FGF14: variants seen among roughly 807,000 people sequenced by gnomAD.
FGF14 encodes fibroblast growth factor 14, also known as fibroblast growth factor homologous factor 4.
In FGF14, 5 loss-of-function variants were observed where a neutral mutation model predicts 25.5. That is an observed-to-expected ratio of 0.20 (90% confidence interval 0.10 to 0.41). The LOEUF (loss-of-function observed/expected upper bound fraction) is 0.41, where lower values mean the gene tolerates loss of function less well. Among genes scored for constraint, FGF14 ranks in the 10% least tolerant of loss-of-function variants. The probability of loss-of-function intolerance (pLI) is 1.00; values close to 1 mark genes in which losing one functional copy is unlikely to be tolerated. For synonymous variants in FGF14, 138 were observed against 118.3 expected (o/e 1.17, Z -1.08); for missense variants, 222 against 320.1 (o/e 0.69, Z 2.34).
chr13:102,343,497 A>T (rs185825037), intron 1 of FGF14, among the ~76,000 whole-genome samples: 171 of 152,332 alleles, frequency 1.1e-3, no homozygotes, highest in Non-Finnish European at 2.2e-3. Context: ...AAGCTAAGGC[A>T]TCTAGATTTC....
intron 1 of FGF14, among the ~76,000 whole-genome samples, chr13:102,035,448 T>C (rs1308264077): frequency 2.6e-5 from 4 of 152,140 alleles, no homozygotes. Flanking sequence ...AATTAGCTAC[T>C]TGCTCTTGGG....
chr13:102,125,009 G>GAATTCCAATA (rs1349158793), intron 1 of FGF14, among the ~76,000 whole-genome samples: 1 of 151,994 alleles, frequency 6.6e-6, no homozygotes, highest in African/African-American at 2.4e-5. Context: ...AAACTACATG[G>GAATTCCAATA]AATTCCAATA....
chr13:101,820,572 T>C (rs2042064333), intron 3 of FGF14, among the ~76,000 whole-genome samples: 1 of 106,026 alleles, frequency 9.4e-6, no homozygotes, highest in Admixed American at 9.7e-5. Flanking sequence ...TAAAAGCTTA[T>C]CAAAATACAA....
rs573048044 is a variant in FGF14 at position 102,207,979 on chromosome 13, G to GA, written c.208+193491dup. On this transcript the variant is annotated intron_variant, in intron 1 of 4. Coordinates refer to the FGF14 transcript ENST00000376131. ...GGGATTGTGCCTTTGATTTACAGAG[G>GA]AAAAAAATGTGTTTTTCTGTAATTT... Among the ~76,000 whole-genome samples, 148 of 152,108 alleles carry GA rather than the reference G, an allele frequency of 9.7e-4. 1 individual carries two copies. The Middle Eastern group carries it at 0.017, about 17-fold the overall frequency.
At chr13:101,766,839 C>T (rs1188287025) in intron 3 of FGF14, among the ~76,000 whole-genome samples, 1 of 152,022 alleles carries the variant, frequency 6.6e-6, no homozygotes, top group Non-Finnish European at 1.5e-5. Flanking sequence ...TAGGGTGATG[C>T]GTCTACAAGC....
intron 1 of FGF14, among the ~76,000 whole-genome samples, chr13:102,148,028 C>A (rs2046924858): frequency 6.6e-6 from 1 of 152,046 alleles, no homozygotes; most frequent in South Asian, 2.1e-4. Flanking sequence ...TTAGCAAAAT[C>A]TTTTTTTAAT....
intron 1 of FGF14, among the ~76,000 whole-genome samples, chr13:101,875,905 G>A (rs574211664): frequency 4.9e-4 from 75 of 152,162 alleles, no homozygotes; most frequent in African/African-American, 1.7e-3. Context: ...ACAGGAAAAC[G>A]GAAAACTCTA....
rs2057094108 is a variant in FGF14 at position 102,345,970 on chromosome 13, A to G, written c.208+55501T>C. On this transcript the variant is annotated intron_variant, in intron 1 of 4. Transcript: ENST00000376131. The stretch of plus-strand genomic sequence containing the variant: ...TAGGACAACAATGGGGAGAGTTACT[A>G]TAATGGTAACAATGATGGAATATAT... Among the ~76,000 whole-genome samples, 3 of 152,224 alleles carry G rather than the reference A, an allele frequency of 2.0e-5. No individual in the cohort carries two copies. In the South Asian group the frequency reaches 6.2e-4, roughly 31 times the overall value.
intron 1 of FGF14, among the ~76,000 whole-genome samples, chr13:101,965,552 C>A (rs567137663): frequency 1.3e-5 from 2 of 152,070 alleles, no homozygotes; most frequent in African/African-American, 4.8e-5. Context: ...GAGGCTCTGC[C>A]TTTAAGTCTT....
intron 1 of FGF14, among the ~76,000 whole-genome samples, chr13:101,889,557 G>A (rs1056552656): frequency 2.0e-5 from 3 of 151,994 alleles, no homozygotes; most frequent in Non-Finnish European, 2.9e-5. Flanking sequence ...ATAAACCCAC[G>A]TCTGAAGAAA....
At chr13:101,817,786 G>C (rs946883613) in intron 3 of FGF14, among the ~76,000 whole-genome samples, 1 of 152,194 alleles carries the variant, frequency 6.6e-6, no homozygotes, top group South Asian at 2.1e-4. Context: ...ATACAAAACA[G>C]AGAAAATGAA....
At chr13:101,731,324 G>A (rs966879026) in intron 3 of FGF14, among the ~76,000 whole-genome samples, 1 of 152,096 alleles carries the variant, frequency 6.6e-6, no homozygotes, top group African/African-American at 2.4e-5. Flanking sequence ...GGAGTTTGAT[G>A]TATCTTTTTC....
At chr13:101,759,712 G>A (rs1566865597) in intron 3 of FGF14, among the ~76,000 whole-genome samples, 2 of 152,150 alleles carry the variant, frequency 1.3e-5, no homozygotes, top group South Asian at 4.1e-4. Context: ...AATTAAGAGG[G>A]AGGAGGCAAT....
intron 3 of FGF14, among the ~76,000 whole-genome samples, chr13:101,830,807 C>A (rs975751362): frequency 1.5e-4 from 23 of 152,034 alleles, no homozygotes; most frequent in Admixed American, 4.6e-4. Flanking sequence ...ACTTATGTTC[C>A]ATTTTGGTGG....
chr13:102,156,433 A>C (rs1027790236), intron 1 of FGF14, among the ~76,000 whole-genome samples: 5 of 152,240 alleles, frequency 3.3e-5, no homozygotes, highest in African/African-American at 1.2e-4. Context: ...CAACAGATGC[A>C]GAAAAAGCCT....
intron 3 of FGF14, among the ~76,000 whole-genome samples, chr13:101,850,271 TAAAA>T (rs2043686989): frequency 9.6e-5 from 1 of 10,364 alleles, no homozygotes; most frequent in Non-Finnish European, 1.7e-4. Context: ...CTGCCTCTAC[TAAAA>T]ATCCAAAAAA....
Position 101,953,277 on chromosome 13 carries a change from T to A in FGF14, c.209-77981A>T, listed in dbSNP as rs553485873. On this transcript the variant is annotated intron_variant, in intron 1 of 4. Coordinates refer to the FGF14 transcript ENST00000376131. The stretch of plus-strand genomic sequence containing the variant: ...ACCAACGGTTTTATATTCTTCTGAC[T>A]TTTTTCTGTTTATCTTTTCCTTTTT... Among the ~76,000 whole-genome samples, 66 of 152,244 alleles carry A rather than the reference T, an allele frequency of 4.3e-4. 1 individual carries two copies. The highest frequency in any genetic ancestry group is 1.5e-3 in the African/African-American group (62 of 41,544).
chr13:102,157,711 G>T (rs1459098723), intron 1 of FGF14, among the ~76,000 whole-genome samples: 2 of 151,916 alleles, frequency 1.3e-5, no homozygotes, highest in East Asian at 3.9e-4. Context: ...AAACTAAAGA[G>T]CTTCTGTTCA....
chr13:101,739,066 C>T (rs1248952328), intron 3 of FGF14, among the ~76,000 whole-genome samples: 2 of 144,306 alleles, frequency 1.4e-5, no homozygotes, highest in African/African-American at 2.6e-5. Context: ...ATTCTTCCCA[C>T]CTCATAGTCT....
Sources: allele counts gnomAD v4.1 joint callset (sites outside exome capture counted in the v4.1 genomes callset), GRCh38; gene constraint gnomAD v4.1.1; transcripts MANE v1.5; gene names NCBI Gene and HGNC (gene_info 2026-07-23, HGNC 2026-07-21).